The following TTC19 variants were observed in gnomAD, a reference collection of about 807,000 sequenced individuals.
TTC19 encodes the protein tetratricopeptide repeat domain 19.
TTC19 carries 38 observed loss-of-function variants against 49.5 expected under a neutral mutation model. The ratio of observed to expected loss-of-function variants is 0.77; its 90% CI spans 0.59 to 1.01. The LOEUF is 1.01. Among genes scored for constraint, TTC19 ranks in the 50% least tolerant of loss-of-function variants. TTC19 has a pLI of 0.00. For missense variants in TTC19, 475 were observed against 477.7 expected (o/e 0.99, Z 0.05); for synonymous variants, 204 against 185.2 (o/e 1.10, Z -0.83).
rs781023098 is a variant in TTC19 at position 16,034,766 on chromosome 17, T to G, written c.247+8064T>G. Reference sequence around the variant, plus strand: ...TCTAAGTTAAAGCAGAATCCTTACCTGTTGAAGAGGGCCTGTCTTCCCAGG... The same window carrying G: ...TCTAAGTTAAAGCAGAATCCTTACCGGTTGAAGAGGGCCTGTCTTCCCAGG... On this transcript the variant is annotated intron_variant, in intron 2 of 2. Transcript: ENST00000470649. 8.7e-6 allele frequency: 14 copies of G among 1,609,750 alleles called. No individual in the cohort carries two copies. In the East Asian group the frequency reaches 3.1e-4, roughly 36 times the overall value.
In TTC19 at chr17:16,028,990, C is replaced by T. The variant is rs1393890438; in HGVS notation, c.*1468C>T. On this transcript the variant is annotated 3_prime_UTR_variant, in exon 10 of 10. Transcript: ENST00000261647. ...ATATTATTTACCATGCAGCTAATGC[C>T]GTTTACCAAGTCTAGCTCAGAGAGA... The T allele has an allele frequency of 6.9e-6, 3 of 431,996 alleles. No homozygotes were observed. Among genetic ancestry groups the T allele is most frequent in the East Asian group, 7.0e-5 (1 of 14,236 alleles). 26.8% of individuals were successfully genotyped at this position (431,996 alleles called of 1,614,324 possible).
intron 7 of TTC19, among the ~76,000 whole-genome samples, chr17:16,019,900 G>C (rs902337151): frequency 3.3e-5 from 5 of 151,430 alleles, no homozygotes; most frequent in African/African-American, 1.2e-4. Flanking sequence ...GCTGAGGCAG[G>C]CAGATCATTT....
chr17:16,009,400 G>A (rs116611114), intron 7 of TTC19, among the ~76,000 whole-genome samples: 2,105 of 152,188 alleles, frequency 0.014, 41 homozygotes, highest in African/African-American at 0.048. Context: ...TTATTACTAC[G>A]GCTTTTCGGG....
intron 7 of TTC19, among the ~76,000 whole-genome samples, chr17:16,007,824 T>C (rs555461028): frequency 6.6e-6 from 1 of 152,342 alleles, no homozygotes; most frequent in East Asian, 1.9e-4. Context: ...CGGACTCTGG[T>C]TGACTGCAGA....
Position 16,003,859 on chromosome 17 carries a change from G to C in TTC19, c.491G>C (p.Ser164Thr), listed in dbSNP as rs751282671. The change falls in exon 5 of 10, where the codon AGT becomes ACT. Residue 164 changes from serine (S) to threonine (T), a missense_variant. Ser to Thr is a moderately conservative substitution (Grantham distance 58). Coordinates refer to ENST00000261647, the MANE Select transcript of TTC19 (RefSeq NM_017775.4). Reference sequence around the variant, plus strand: ...GAACAACTTTTTAAAGCAACAATGAGTTACCTCCTTGGAGGGGGCATGAAG... The same window carrying C: ...GAACAACTTTTTAAAGCAACAATGACTTACCTCCTTGGAGGGGGCATGAAG... ...NAEQLFKATM[S>T]YLLGGGMKQE... 3 of 1,613,720 alleles carry C rather than the reference G, an allele frequency of 1.9e-6. No individual in the cohort carries two copies. The highest frequency in any genetic ancestry group is 1.3e-5 in the African/African-American group (1 of 74,862).
intron 2 of TTC19, chr17:16,034,982 A>G: frequency 6.3e-7 from 1 of 1,588,294 alleles, no homozygotes; most frequent in Non-Finnish European, 8.6e-7. Context: ...TAATATATTA[A>G]GTTCTCAAAA....
chr17:16,005,631 G>A (rs1970881508), intron 6 of TTC19, among the ~76,000 whole-genome samples: 1 of 152,142 alleles, frequency 6.6e-6, no homozygotes, highest in African/African-American at 2.4e-5. Flanking sequence ...GTTGATTGAG[G>A]GTCCAGGGCT....
intron 2 of TTC19, among the ~76,000 whole-genome samples, chr17:16,043,552 G>A (rs1007726410): frequency 2.6e-5 from 4 of 152,180 alleles, no homozygotes; most frequent in East Asian, 3.8e-4. Flanking sequence ...AACATAGTAC[G>A]CTACTGAAAA....
In TTC19 at chr17:16,028,154, GT is replaced by G. The variant is rs1567589459; in HGVS notation, c.*634del. 2 of 453,872 alleles carry G rather than the reference GT, an allele frequency of 4.4e-6. No homozygotes were observed. The highest frequency in any genetic ancestry group is 2.0e-5 in the African/African-American group (1 of 49,948). 28.1% of individuals were successfully genotyped at this position (453,872 alleles called of 1,614,324 possible). ...AATAAAAGTGAACCATATTTATCTGGTTATATAAAACTAAAAATGGGGGTGT... is the reference window on the plus strand; with the variant it reads ...AATAAAAGTGAACCATATTTATCTGGTATATAAAACTAAAAATGGGGGTGT... On this transcript the variant is annotated 3_prime_UTR_variant, in exon 10 of 10. Coordinates refer to ENST00000261647, the MANE Select transcript of TTC19 (RefSeq NM_017775.4).
At position 16,044,668 on chromosome 17, in the gene TTC19, G is replaced by T. The variant is rs141178289; in HGVS notation, c.*113G>T. 2.6e-4 allele frequency: 171 copies of T among 660,484 alleles called. 3 individuals are homozygous for T. In the African/African-American group the frequency reaches 2.7e-3, roughly 10 times the overall value. 40.9% of individuals were successfully genotyped at this position (660,484 alleles called of 1,614,324 possible). ...CCTGCATCTACTCAGCCCTCACTCT[G>T]CATGACAATGAGGTGACCATCACGG... On this transcript the variant is annotated 3_prime_UTR_variant, in exon 3 of 3. Transcript: ENST00000470649.
chr17:16,006,733 T>C (rs1040790249), intron 7 of TTC19, among the ~76,000 whole-genome samples, 165 bp downstream of exon 7: 3 of 152,178 alleles, frequency 2.0e-5, no homozygotes, highest in Non-Finnish European at 4.4e-5. Context: ...ATAAGATGTT[T>C]TATTTAAAAT....
At chr17:16,034,475 G>A (rs1451646586) in intron 2 of TTC19, among the ~76,000 whole-genome samples, 4 of 152,130 alleles carry the variant, frequency 2.6e-5, no homozygotes, top group Admixed American at 6.5e-5. Context: ...AGGCATGGTC[G>A]TGCACGCCTG....
rs2301651 is a variant in TTC19 at position 16,025,286 on chromosome 17, G to C, written c.831+115G>C. ...AGCAGATGGTCCTAGATCCTCCTTG[G>C]TCCCCAGTCTACTCATTTTCTTATC... On this transcript the variant is annotated intron_variant, in intron 8 of 9. Coordinates refer to ENST00000261647, the MANE Select transcript of TTC19 (RefSeq NM_017775.4). 493,445 of 1,093,314 alleles carry C rather than the reference G, an allele frequency of 0.45. 114,423 individuals carry two copies. Among genetic ancestry groups the C allele is most frequent in the Middle Eastern group, 0.56 (2,601 of 4,640 alleles). The allele number at this position is 1,093,314 out of a possible 1,614,324, so 67.7% of individuals were successfully genotyped here.
At chr17:16,035,757 G>T (rs2056226360) in intron 2 of TTC19, among the ~76,000 whole-genome samples, 1 of 151,948 alleles carries the variant, frequency 6.6e-6, no homozygotes, top group African/African-American at 2.4e-5. Context: ...GCCCAGGTTG[G>T]TCTCAAACTC....
Position 16,027,392 on chromosome 17 carries a change from A to G in TTC19, c.1013A>G (p.Lys338Arg), listed in dbSNP as rs1971600396. The change falls in exon 10 of 10, where the codon AAA (lysine) becomes AGA (arginine). Residue 338 changes from lysine to arginine, a missense_variant. Lys to Arg is a conservative substitution (Grantham distance 26). Transcript: ENST00000261647. ...ATTTTAGAACGATATACACAAGCAA[A>G]AGAGATCTACCAGGAAGCACTGAAG... ...LMHRERYTQA[K>R]EIYQEALKQA... 1 of 1,613,980 alleles carries G rather than the reference A, an allele frequency of 6.2e-7. No individual in the cohort carries two copies. Among genetic ancestry groups the G allele is most frequent in the Non-Finnish European group, 8.5e-7 (1 of 1,179,910 alleles).
At chr17:16,010,329 A>ACACC (rs1971031618) in intron 7 of TTC19, among the ~76,000 whole-genome samples, 1 of 149,996 alleles carries the variant, frequency 6.7e-6, no homozygotes, top group Non-Finnish European at 1.5e-5. Flanking sequence ...ACGTGCCACC[A>ACACC]TGCCCAGCTA....
intron 7 of TTC19, among the ~76,000 whole-genome samples, chr17:16,020,828 A>G (rs1567584922): frequency 6.6e-6 from 1 of 151,698 alleles, no homozygotes; most frequent in Non-Finnish European, 1.5e-5. Context: ...ACGTGCCACC[A>G]TGTCTGGCTT....
intron 6 of TTC19, among the ~76,000 whole-genome samples, chr17:16,005,249 ATATAGGT>A (rs372214265): frequency 3.5e-4 from 53 of 152,206 alleles, no homozygotes; most frequent in African/African-American, 1.3e-3. Context: ...CGAAAGGCTG[ATATAGGT>A]TATGAGGGGA....
At chr17:16,009,834 T>C (rs1477838074) in intron 7 of TTC19, among the ~76,000 whole-genome samples, 1 of 152,126 alleles carries the variant, frequency 6.6e-6, no homozygotes, top group Non-Finnish European at 1.5e-5. Context: ...ACTGAGGAAA[T>C]GCCCATAAAA....
Sources: allele counts gnomAD v4.1 joint callset (sites outside exome capture counted in the v4.1 genomes callset), GRCh38; gene constraint gnomAD v4.1.1; transcripts MANE v1.5; gene names NCBI Gene and HGNC (gene_info 2026-07-23, HGNC 2026-07-21).